MAST3: variants seen among roughly 807,000 people sequenced by gnomAD.
MAST3 encodes microtubule-associated serine/threonine-protein kinase 3.
In MAST3, 43 loss-of-function variants were observed where a neutral mutation model predicts 127.0. The ratio of observed to expected loss-of-function variants is 0.34; its 90% CI spans 0.27 to 0.44. The LOEUF (loss-of-function observed/expected upper bound fraction) is 0.44, where lower values mean the gene tolerates loss of function less well. Ranked by LOEUF, MAST3 falls within the 20% of genes least tolerant of loss-of-function variation. The pLI is 1.00. For synonymous variants in MAST3, 785 were observed against 809.2 expected (o/e 0.97, Z 0.51); for missense variants, 1,390 against 1,919.1 (o/e 0.72, Z 5.15).
Position 18,146,764 on chromosome 19 carries a change from G to A in MAST3, c.3163-117G>A, listed in dbSNP as rs915619437. ...AGGTCACTGGTTGTGTGGATGAATGGATGCTGGGGTGGTGGGTCCCAGCTG... is the reference window on the plus strand; with the variant it reads ...AGGTCACTGGTTGTGTGGATGAATGAATGCTGGGGTGGTGGGTCCCAGCTG... On this transcript the variant is annotated intron_variant, in intron 25 of 27. Coordinates refer to ENST00000687212, the MANE Select transcript of MAST3 (RefSeq NM_001393504.1). 9 of 944,506 alleles carry A rather than the reference G, an allele frequency of 9.5e-6. No homozygotes were observed. The Admixed American group carries it at 2.3e-4, about 24-fold the overall frequency. 58.5% of individuals were successfully genotyped at this position (944,506 alleles called of 1,614,324 possible).
chr19:18,123,104 A>C (rs773702842), intron 6 of MAST3, 113 bp from the exon 7 acceptor site: 1 of 1,133,200 alleles, frequency 8.8e-7, no homozygotes, highest in Non-Finnish European at 1.3e-6. Context: ...AGGAGAAAGG[A>C]TGTTACCTTC....
At chr19:18,141,243 C>T (rs993304590) in intron 20 of MAST3, among the ~76,000 whole-genome samples, 4 of 152,170 alleles carry the variant, frequency 2.6e-5, no homozygotes, top group Admixed American at 2.6e-4. Context: ...AGCCTGGCCC[C>T]TGAGCCTCAG....
intron 15 of MAST3, among the ~76,000 whole-genome samples, chr19:18,133,549 A>ATTTTTTTTTT (rs3048882): frequency 1.1e-5 from 1 of 91,844 alleles, no homozygotes; most frequent in Non-Finnish European, 2.0e-5. Flanking sequence ...CGCCCAGCTA[A>ATTTTTTTTTT]TTTTTTTTTT....
At chr19:18,118,039 C>G (rs922032986) in intron 3 of MAST3, 1 of 887,186 alleles carries the variant, frequency 1.1e-6, no homozygotes. Context: ...TTCTCGCCGC[C>G]CCCCCATCCC....
In MAST3 at chr19:18,110,044, G is replaced by A; in HGVS notation, c.72-608G>A. On this transcript the variant is annotated intron_variant, in intron 2 of 27. Transcript: ENST00000687212. This position sits in a 1 kb window ranked among gnomAD's most constrained non-coding sequence, Gnocchi z 4.3. ...CGGCGGCCTCGGCGTCCCTGCGGCA[G>A]ACAGGGCGGCACCCGCGGCTCCCCT... The A allele has an allele frequency of 1.0e-6, 1 of 985,360 alleles. No homozygotes were observed. The highest frequency in any genetic ancestry group is 4.7e-5 in the South Asian group (1 of 21,290). 61.0% of individuals were successfully genotyped at this position (985,360 alleles called of 1,614,324 possible).
intron 11 of MAST3, among the ~76,000 whole-genome samples, 168 bp downstream of exon 11, chr19:18,124,942 A>T (rs1423789972): frequency 2.5e-5 from 1 of 40,054 alleles, no homozygotes; most frequent in Non-Finnish European, 6.3e-5. Flanking sequence ...CCCCCCCCCT[A>T]CTAAAAATAC....
intron 19 of MAST3, among the ~76,000 whole-genome samples, chr19:18,138,196 G>T (rs2042079593): frequency 8.7e-6 from 1 of 114,464 alleles, no homozygotes; most frequent in African/African-American, 3.5e-5. Flanking sequence ...CGCAACAAGA[G>T]CAAAACTGCC....
chr19:18,107,800 A>T (rs67234314), intron 2 of MAST3, among the ~76,000 whole-genome samples, 182 bp downstream of exon 2: 35,864 of 152,144 alleles, frequency 0.24, 4,309 homozygotes, highest in Non-Finnish European at 0.27. Flanking sequence ...CAAACATGGG[A>T]GGCCATGCCA....
At chr19:18,143,371 T>C (rs2042719538) in intron 21 of MAST3, among the ~76,000 whole-genome samples, 1 of 152,120 alleles carries the variant, frequency 6.6e-6, no homozygotes, top group Non-Finnish European at 1.5e-5. Context: ...AGCTCAGGAA[T>C]TCAAGACCAG....
In MAST3 at chr19:18,131,907, AG is replaced by A. The variant is rs1257218502; in HGVS notation, c.1433del. 1 of 1,579,242 alleles carries A rather than the reference AG, an allele frequency of 6.3e-7. No individual in the cohort carries two copies. The highest frequency in any genetic ancestry group is 1.1e-5 in the South Asian group (1 of 87,546). On this transcript the variant is annotated splice_acceptor_variant, in intron 14 of 27. Coordinates refer to ENST00000687212, the MANE Select transcript of MAST3 (RefSeq NM_001393504.1). LOFTEE classifies it high-confidence loss of function. The stretch of plus-strand genomic sequence containing the variant: ...TCATGACTACATCCGCCCTTCTCCC[AG>A]GCGGCGACTGCGCCACGCTCCTGAA...
intron 11 of MAST3, 77 bp from the exon 12 acceptor site, chr19:18,128,323 A>G: frequency 8.5e-7 from 1 of 1,174,336 alleles, no homozygotes. Context: ...TGAGAACTCT[A>G]GAGGCCTCAG....
At chr19:18,123,821 A>G in intron 8 of MAST3, 118 bp from the exon 9 acceptor site, 1 of 1,068,754 alleles carries the variant, frequency 9.4e-7, no homozygotes, top group Non-Finnish European at 1.3e-6. Context: ...CAGCCCTCCC[A>G]CCCGATCGCC....
rs576984210 is a variant in MAST3 at position 18,111,530 on chromosome 19, CTTT to C, written c.161+809_161+811del. Among the ~76,000 whole-genome samples, 499 of 103,214 alleles carry C rather than the reference CTTT, an allele frequency of 4.8e-3. 3 individuals carry two copies. Among genetic ancestry groups the C allele is most frequent in the Non-Finnish European group, 7.1e-3 (390 of 55,316 alleles). The allele number at this position is 103,214 out of a possible 152,430, so 67.7% of individuals were successfully genotyped here. On this transcript the variant is annotated intron_variant, in intron 3 of 27. Transcript: ENST00000687212. ...TGAGCTGCTTAACTCTTTCCACAGA[CTTT>C]TTTTTTTTTTTTTTTTTTTGAGGCA...
chr19:18,123,345 C>T lies in MAST3; in HGVS notation c.528C>T (p.Pro176=), dbSNP rs1407740907. ...TTGATGAGGAAGGCGGCCGGTCACCCCGCCTCCGACCCCGCTCTCGCAGTC... is the reference window on the plus strand; with the variant it reads ...TTGATGAGGAAGGCGGCCGGTCACCTCGCCTCCGACCCCGCTCTCGCAGTC... ...NVLDEEGGRS[P]RLRPRSRSLS... is the part of the protein sequence containing the mutation. Residue 176 remains proline (P), a synonymous_variant, in exon 7 of 28, where the codon CCC becomes CCT. Transcript: ENST00000687212. 1 of 1,613,068 alleles carries T rather than the reference C, an allele frequency of 6.2e-7. No individual in the cohort carries two copies. The highest frequency in any genetic ancestry group is 1.1e-5 in the South Asian group (1 of 91,064).
chr19:18,137,097 C>A, intron 18 of MAST3, 142 bp from the exon 19 acceptor site: 1 of 961,202 alleles, frequency 1.0e-6, no homozygotes, highest in Non-Finnish European at 1.5e-6. Context: ...GCTGGGATTA[C>A]AGGTGTGAGC....
chr19:18,148,264 GCACTC>G (rs1387682265), intron 27 of MAST3, among the ~76,000 whole-genome samples: 1 of 151,876 alleles, frequency 6.6e-6, no homozygotes. Context: ...TTGAGCCATT[GCACTC>G]CAGCCTGGGC....
In MAST3 at chr19:18,149,404, C is replaced by T. The variant is rs1290747355; in HGVS notation, c.3722C>T (p.Ser1241Leu). ...TCCGCGCCCCCACCCCGCTCGCCCT[C>T]GCCCCTGCCCGGGCACCCGCCCGCA... ...PISAPPPRSP[S>L]PLPGHPPAPA... Residue 1241 changes from serine to leucine, a missense_variant, in exon 28 of 28, where the codon TCG (serine) becomes TTG (leucine). By Grantham distance (145) the Ser-to-Leu change is moderately radical (BLOSUM62 -2). Coordinates refer to ENST00000687212, the MANE Select transcript of MAST3 (RefSeq NM_001393504.1). The surrounding 1 kb of genome is among the most constrained non-coding windows in gnomAD (Gnocchi z 5.9). 7.5e-6 allele frequency: 11 copies of T among 1,460,046 alleles called. No homozygotes were observed. The highest frequency in any genetic ancestry group is 1.4e-5 in the South Asian group (1 of 72,774). 90.4% of individuals were successfully genotyped at this position (1,460,046 alleles called of 1,614,324 possible). A position where few individuals can be genotyped will look rare whatever the true frequency, so the allele number is the denominator to read the frequency against.
rs1223095388 is a variant in MAST3 at position 18,146,938 on chromosome 19, G to A, written c.3220G>A (p.Gly1074Ser). The change falls in exon 26 of 28, where the codon GGC becomes AGC. Residue 1074 changes from glycine (G) to serine (S), a missense_variant. Physicochemically the swap from Gly to Ser is moderately conservative, Grantham distance 56. Transcript: ENST00000687212. ...CCTGGAGAACACCTCCATCAAGGTG[G>A]GCCCCGCCCGGAAGAATGTGGCCAA... ...TALENTSIKV[G>S]PARKNVAKGR... 5.8e-6 allele frequency: 9 copies of A among 1,558,560 alleles called. No individual in the cohort carries two copies. The highest frequency in any genetic ancestry group is 7.8e-6 in the Non-Finnish European group (9 of 1,151,016).
Position 18,143,825 on chromosome 19 carries a change from G to T in MAST3, c.2402G>T (p.Gly801Val), listed in dbSNP as rs1304191498. ...TCATCTTCGTCCCAGCCCGAGCGGGGTCCCAGCCCATCTCTCCTGAATACC... is the reference window on the plus strand; with the variant it reads ...TCATCTTCGTCCCAGCCCGAGCGGGTTCCCAGCCCATCTCTCCTGAATACC... Reference protein sequence around the residue: ...CQSSSSQPERGPSPSLLNTIS... With the variant: ...CQSSSSQPERVPSPSLLNTIS... The change falls in exon 22 of 28, where the codon GGT (glycine) becomes GTT (valine). Residue 801 changes from glycine to valine, a missense_variant. Gly to Val is a moderately radical substitution (Grantham distance 109, BLOSUM62 -3). Transcript: ENST00000687212. 3 of 1,613,914 alleles carry T rather than the reference G, an allele frequency of 1.9e-6. No homozygotes were observed. Among genetic ancestry groups the T allele is most frequent in the East Asian group, 2.2e-5 (1 of 44,872 alleles).
Sources: gnomAD v4.1 joint callset for allele counts (sites outside exome capture counted in the v4.1 genomes callset) on GRCh38, gnomAD v4.1.1 for gene constraint, Gnocchi (gnomAD v3.1) non-coding constraint, MANE v1.5 for transcripts, NCBI Gene and HGNC (gene_info 2026-07-23, HGNC 2026-07-21) for gene names.